The following NRXN2 variants were observed in gnomAD, a reference collection of about 807,000 sequenced individuals.
NRXN2 encodes neurexin 2.
A neutral mutation model predicts 128.8 loss-of-function variants in NRXN2; 29 were observed. The observed-to-expected ratio is 0.23, with a 90% CI of 0.17 to 0.31. NRXN2 has a LOEUF of 0.31. Ranked by LOEUF, NRXN2 falls within the 10% of genes least tolerant of loss-of-function variation. The pLI, the probability that NRXN2 is intolerant of heterozygous loss-of-function variation, is 1.00. For synonymous variants in NRXN2, 1,098 were observed against 1,075.2 expected (o/e 1.02, Z -0.41); for missense variants, 1,881 against 2,452.6 (o/e 0.77, Z 4.92).
intron 11 of NRXN2, chr11:64,656,241 C>T (rs369460776): frequency 7.2e-5 from 11 of 152,374 alleles, no homozygotes; most frequent in Admixed American, 4.6e-4. Context: ...CTGATAATTA[C>T]TGATCAGCCT....
At chr11:64,707,615 A>G (rs375057343) in intron 2 of NRXN2, among the ~76,000 whole-genome samples, 5 of 152,244 alleles carry the variant, frequency 3.3e-5, no homozygotes, top group Admixed American at 2.6e-4. Flanking sequence ...TAAGCACTTT[A>G]CATGAACTAG....
chr11:64,712,779 C>A, intron 2 of NRXN2, 191 bp downstream of exon 2: 1 of 693,032 alleles, frequency 1.4e-6, no homozygotes, highest in Non-Finnish European at 2.7e-6. Context: ...CCACTCGCCC[C>A]GCCCACCGCC....
At chr11:64,652,944 C>T (rs1591821068) in intron 12 of NRXN2, among the ~76,000 whole-genome samples, 1 of 148,128 alleles carries the variant, frequency 6.8e-6, no homozygotes, top group Non-Finnish European at 1.5e-5. Context: ...CCCGAGGGCT[C>T]CAGCACGCAC....
chr11:64,654,442 T>A (rs2047953231), intron 11 of NRXN2, among the ~76,000 whole-genome samples: 1 of 152,198 alleles, frequency 6.6e-6, no homozygotes, highest in Admixed American at 6.5e-5. Flanking sequence ...ATAGAGACAG[T>A]GCAGCCCCCA....
intron 9 of NRXN2, among the ~76,000 whole-genome samples, chr11:64,665,279 CA>C (rs34174672): frequency 0.018 from 2,262 of 129,132 alleles, 36 homozygotes; most frequent in African/African-American, 0.054. Context: ...GACTCCATCT[CA>C]AAAAAAAAAA....
rs545847399 is a variant in NRXN2, at chr11:64,620,253, G to A, written c.4252+41C>T. 7.3e-5 allele frequency: 108 copies of A among 1,485,936 alleles called. 1 individual carries two copies. The South Asian group carries it at 8.1e-4, about 11-fold the overall frequency. The allele number at this position is 1,485,936 out of a possible 1,614,324, so 92.0% of individuals were successfully genotyped here. On this transcript the variant is annotated intron_variant, in intron 22 of 22. Coordinates refer to ENST00000265459, the MANE Select transcript of NRXN2 (RefSeq NM_015080.4). ...CAGTCGCCCCCCTCCCAGCAGCATC[G>A]CAGAGGGACCCGGGGCAGGGGAGGG...
At chr11:64,662,945 G>A (rs970870690) in intron 9 of NRXN2, among the ~76,000 whole-genome samples, 1 of 152,110 alleles carries the variant, frequency 6.6e-6, no homozygotes, top group Non-Finnish European at 1.5e-5. Context: ...GGGTCTGCAT[G>A]AGGCCTGAAT....
intron 17 of NRXN2, among the ~76,000 whole-genome samples, chr11:64,639,694 G>A (rs190404480): frequency 6.6e-6 from 1 of 152,118 alleles, no homozygotes; most frequent in East Asian, 1.9e-4. Context: ...AGAGTTGGGG[G>A]GGATGGCAGG....
intron 9 of NRXN2, among the ~76,000 whole-genome samples, chr11:64,662,207 A>G (rs1266631797): frequency 6.6e-6 from 1 of 151,910 alleles, no homozygotes; most frequent in Non-Finnish European, 1.5e-5. Context: ...GCAGTGAGCC[A>G]AGATCATGCC....
intron 4 of NRXN2, among the ~76,000 whole-genome samples, chr11:64,691,230 C>T (rs2053763906): frequency 6.6e-6 from 1 of 152,222 alleles, no homozygotes; most frequent in South Asian, 2.1e-4. Flanking sequence ...AGGAGATCCT[C>T]CCTGGAGCTC....
intron 3 of NRXN2, among the ~76,000 whole-genome samples, chr11:64,694,380 G>T (rs1027132056): frequency 6.6e-6 from 1 of 152,254 alleles, no homozygotes; most frequent in Admixed American, 6.5e-5. Flanking sequence ...TTTCTGAGAC[G>T]AAGCTGGGGG....
chr11:64,649,968 C>A (rs1006596375), intron 15 of NRXN2, among the ~76,000 whole-genome samples: 5 of 151,962 alleles, frequency 3.3e-5, no homozygotes, highest in Non-Finnish European at 5.9e-5. Context: ...CCTGAGCACA[C>A]CAGGGAAGCC....
In NRXN2 at chr11:64,617,171, T is replaced by A. The variant is rs896455932; in HGVS notation, c.4252+3123A>T. ...TCCTCTAGGTTTGAACGTGTGTGTG[T>A]GTGTATGTGTGTGTGTGGAAGTGGG... is the stretch of plus-strand genomic sequence containing the variant. On this transcript the variant is annotated intron_variant, in intron 22 of 22. Transcript: ENST00000265459. Among the ~76,000 whole-genome samples the A allele has an allele frequency of 2.0e-5, 3 of 151,778 alleles. No individual in the cohort carries two copies. The East Asian group carries it at 5.8e-4, about 29-fold the overall frequency.
At chr11:64,619,767 G>T (rs2042040601) in intron 22 of NRXN2, among the ~76,000 whole-genome samples, 1 of 152,194 alleles carries the variant, frequency 6.6e-6, no homozygotes, top group Admixed American at 6.5e-5. Context: ...TGGCCTGGCA[G>T]TCCTGGCAGT....
chr11:64,656,413 C>T (rs12419264), intron 11 of NRXN2, among the ~76,000 whole-genome samples: 1,809 of 152,222 alleles, frequency 0.012, 17 homozygotes, highest in Middle Eastern at 0.031. Context: ...GGGAATTTCA[C>T]AATAAGTGGG....
At chr11:64,643,311 C>T in intron 17 of NRXN2, 1 of 951,286 alleles carries the variant, frequency 1.1e-6, no homozygotes, top group Non-Finnish European at 1.2e-6. Context: ...CGCGCCGCTG[C>T]TGCCGCTGCC....
intron 22 of NRXN2, among the ~76,000 whole-genome samples, chr11:64,618,166 G>C (rs1472963192): frequency 6.6e-6 from 1 of 152,164 alleles, no homozygotes; most frequent in Non-Finnish European, 1.5e-5. Flanking sequence ...CAGCCTAAAA[G>C]GGCTCAGACC....
Position 64,648,444 on chromosome 11 carries a change from C to G in NRXN2, c.3284-106G>C. 1 of 1,564,416 alleles carries G rather than the reference C, an allele frequency of 6.4e-7. No individual in the cohort carries two copies. Among genetic ancestry groups the G allele is most frequent in the Non-Finnish European group, 8.8e-7 (1 of 1,142,012 alleles). On this transcript the variant is annotated intron_variant, in intron 16 of 22. Transcript: ENST00000265459. This position sits in a 1 kb window ranked among gnomAD's most constrained non-coding sequence, Gnocchi z 4.1. ...AGGCAGAGAGGTCCTACTCTGAGCT[C>G]TGCCTGGCTGAAAGGGCCAAGTACT...
At chr11:64,707,384 C>CAA (rs1056912729) in intron 2 of NRXN2, among the ~76,000 whole-genome samples, 5 of 78,922 alleles carry the variant, frequency 6.3e-5, no homozygotes, top group Non-Finnish European at 1.0e-4. Flanking sequence ...GACTCCGTCT[C>CAA]AAAAAAAAAA....
Sources: gnomAD v4.1 joint callset for allele counts (sites outside exome capture counted in the v4.1 genomes callset) on GRCh38, gnomAD v4.1.1 for gene constraint, Gnocchi (gnomAD v3.1) non-coding constraint, MANE v1.5 for transcripts, NCBI Gene and HGNC (gene_info 2026-07-23, HGNC 2026-07-21) for gene names.